Variants in VDR observed in about 807,000 individuals in gnomAD.
VDR encodes the protein vitamin D3 receptor.
Under a neutral mutation model 39.7 loss-of-function variants are expected in VDR, and 19 were observed. The ratio of observed to expected loss-of-function variants is 0.48; its 90% CI spans 0.33 to 0.70. VDR has a LOEUF of 0.70. Ranked by LOEUF, VDR falls within the 30% of genes least tolerant of loss-of-function variation. VDR has a pLI of 0.02. For synonymous variants in VDR, 242 were observed against 215.8 expected (o/e 1.12, Z -1.07); for missense variants, 442 against 570.5 (o/e 0.77, Z 2.29).
intron 1 of VDR, among the ~76,000 whole-genome samples, chr12:47,897,398 G>T (rs1946482026): frequency 6.6e-6 from 1 of 152,200 alleles, no homozygotes; most frequent in Admixed American, 6.5e-5. Flanking sequence ...AGAAGGTAGA[G>T]CCCTGTCCCT....
In VDR at chr12:47,879,436, T is replaced by G. The variant is rs11574047; in HGVS notation, c.-2-321A>C. Among the ~76,000 whole-genome samples, 2,343 of 152,260 alleles carry G rather than the reference T, an allele frequency of 0.015. 76 individuals carry two copies. Among genetic ancestry groups the G allele is most frequent in the African/African-American group, 0.054 (2,252 of 41,544 alleles). ...CCCGCTGTCTGCATTGGAAGAGGTG[T>G]TTTACTTCCAGGGTGTAAGGATCAT... On this transcript the variant is annotated intron_variant, in intron 2 of 9. Transcript: ENST00000549336.
rs371326876 is a variant in VDR at position 47,892,917 on chromosome 12, G to A, written c.-83-10143C>T. 6.2e-4 allele frequency among the ~76,000 whole-genome samples: 95 copies of A among 152,322 alleles called. 1 individual carries two copies. The highest frequency in any genetic ancestry group is 2.2e-3 in the African/African-American group (91 of 41,568). On this transcript the variant is annotated intron_variant, in intron 1 of 9. Coordinates refer to ENST00000549336, the MANE Select transcript of VDR (RefSeq NM_000376.3). ...GGAAGGAGCAGAGGAGTTTAATGTG[G>A]TGTGGTAAGAGGCGTAAGGAGCACT...
intron 4 of VDR, among the ~76,000 whole-genome samples, chr12:47,863,532 G>A (rs1015393306): frequency 8.5e-5 from 13 of 152,168 alleles, no homozygotes; most frequent in Non-Finnish European, 1.5e-4. Context: ...CCTTGTTGGT[G>A]CCCACCCTAA....
At chr12:47,853,269 T>C (rs1592102820) in intron 7 of VDR, among the ~76,000 whole-genome samples, 1 of 150,898 alleles carries the variant, frequency 6.6e-6, no homozygotes, top group Non-Finnish European at 1.5e-5. Flanking sequence ...GGTGAAACCC[T>C]GTCTCTACTA....
At chr12:47,878,039 C>A (rs547864499) in intron 3 of VDR, among the ~76,000 whole-genome samples, 2 of 152,152 alleles carry the variant, frequency 1.3e-5, no homozygotes, top group South Asian at 4.1e-4. Context: ...ATTCACTGTG[C>A]CCCCAAGGCG....
At chr12:47,878,625 G>A (rs905636664) in intron 3 of VDR, among the ~76,000 whole-genome samples, 1 of 152,232 alleles carries the variant, frequency 6.6e-6, no homozygotes, top group African/African-American at 2.4e-5. Flanking sequence ...TCTCTTGGGT[G>A]AGGAAGCTGT....
intron 4 of VDR, among the ~76,000 whole-genome samples, chr12:47,859,927 CTTTCT>C (rs1945589614): frequency 3.1e-5 from 2 of 65,400 alleles, no homozygotes; most frequent in African/African-American, 1.3e-4. Context: ...CTTTCTTTTT[CTTTCT>C]TTCTTTCTTT....
chr12:47,892,393 G>A (rs188737335), intron 1 of VDR, among the ~76,000 whole-genome samples: 4 of 152,318 alleles, frequency 2.6e-5, no homozygotes, highest in East Asian at 1.9e-4. Context: ...AGGTGACATC[G>A]GCTGCTCCTC....
intron 7 of VDR, among the ~76,000 whole-genome samples, chr12:47,847,051 T>TCATC (rs1592096687): frequency 1.3e-5 from 2 of 151,928 alleles, no homozygotes; most frequent in African/African-American, 2.4e-5. Context: ...CAAGAAAAAC[T>TCATC]CAGAGACCAA....
At chr12:47,894,630 C>G (rs1238014234) in intron 1 of VDR, among the ~76,000 whole-genome samples, 1 of 152,206 alleles carries the variant, frequency 6.6e-6, no homozygotes, top group East Asian at 1.9e-4. Context: ...CTAGGCTGGT[C>G]AGTAGCCCAG....
At chr12:47,872,585 C>T (rs557596709) in intron 3 of VDR, among the ~76,000 whole-genome samples, 4 of 152,318 alleles carry the variant, frequency 2.6e-5, no homozygotes, top group African/African-American at 7.2e-5. Context: ...CTAGTTACAG[C>T]AACCACTGTC....
At chr12:47,882,623 G>GCCCCGGGGGCCCCCCC in intron 2 of VDR, 71 bp downstream of exon 2, 1 of 543,282 alleles carries the variant, frequency 1.8e-6, no homozygotes, top group East Asian at 3.6e-5. Flanking sequence ...ACCTTCTTAT[G>GCCCCGGGGGCCCCCCC]CCCCTCCCCC....
At chr12:47,878,129 G>A (rs908631185) in intron 3 of VDR, among the ~76,000 whole-genome samples, 1 of 152,202 alleles carries the variant, frequency 6.6e-6, no homozygotes, top group African/African-American at 2.4e-5. Flanking sequence ...TTCCTCATTT[G>A]ATGGTTAGAG....
At chr12:47,902,365 G>A (rs973004271) in intron 1 of VDR, among the ~76,000 whole-genome samples, 1 of 152,206 alleles carries the variant, frequency 6.6e-6, no homozygotes, top group Non-Finnish European at 1.5e-5. Context: ...CTTCAGCCCA[G>A]CTGGATCCTC....
rs959947885 is a variant in VDR at position 47,873,912 on chromosome 12, T to C, written c.146+5056A>G. ...AGTCTCTAGAAGGATGCTTTGGAAGTGTGGGGTCACATCTGACCATGCTCT... is the reference window on the plus strand; with the variant it reads ...AGTCTCTAGAAGGATGCTTTGGAAGCGTGGGGTCACATCTGACCATGCTCT... On this transcript the variant is annotated intron_variant, in intron 3 of 9. Transcript: ENST00000549336. 1.1e-4 allele frequency among the ~76,000 whole-genome samples: 16 copies of C among 152,166 alleles called. No individual in the cohort carries two copies. In the South Asian group the frequency reaches 1.5e-3, roughly 14 times the overall value.
chr12:47,843,122 C>T lies in VDR; in HGVS notation c.*1624G>A, dbSNP rs575072842. 1 of 152,198 alleles carries T rather than the reference C, an allele frequency of 6.6e-6. No homozygotes were observed. Among genetic ancestry groups the T allele is most frequent in the South Asian group, 2.1e-4 (1 of 4,820 alleles). The allele number at this position is 152,198 out of a possible 1,614,324, so 9.4% of individuals were successfully genotyped here. On this transcript the variant is annotated 3_prime_UTR_variant, in exon 10 of 10. Coordinates refer to ENST00000549336, the MANE Select transcript of VDR (RefSeq NM_000376.3). ...CATATCTAATAAATTTAAGATTAAG[C>T]GATATATATGCTATTCTGCAGTAAG...
rs201747972 is a variant in VDR at position 47,846,294 on chromosome 12, G to A, written c.1024+41C>T. The A allele has an allele frequency of 5.7e-5, 89 of 1,574,366 alleles. No homozygotes were observed. In the East Asian group the frequency reaches 9.2e-4, roughly 16 times the overall value. ...CAGGTCTTTGTCCTTCATACTCCCC[G>A]CTCCCCAGGTCCCTGAGCTCCTCCC... On this transcript the variant is annotated intron_variant, in intron 9 of 9. Transcript: ENST00000549336.
chr12:47,847,065 G>T lies in VDR; in HGVS notation c.756-257C>A, dbSNP rs11574105. 0.013 allele frequency among the ~76,000 whole-genome samples: 1,922 copies of T among 152,216 alleles called. 41 individuals are homozygous for T. The highest frequency in any genetic ancestry group is 0.041 in the African/African-American group (1,699 of 41,524). ...ACAAGAAAAACTCAGAGACCAAGCA[G>T]CCAGAGCTATGGGGCACAGGAAACG... On this transcript the variant is annotated intron_variant, in intron 7 of 9. Transcript: ENST00000549336.
Position 47,845,013 on chromosome 12 carries a change from C to T in VDR, c.1025-8G>A. 3 of 1,610,894 alleles carry T rather than the reference C, an allele frequency of 1.9e-6. No homozygotes were observed. The highest frequency in any genetic ancestry group is 2.5e-6 in the Non-Finnish European group (3 of 1,179,910). ...CCTGCACCCCAGGACGATCTGTGGG[C>T]ACGGGGATAGAGAAGAAGGCACAGG... On this transcript the variant is annotated splice_region_variant and splice_polypyrimidine_tract_variant and intron_variant, in intron 9 of 9. Transcript: ENST00000549336.
Sources: allele counts gnomAD v4.1 joint callset (sites outside exome capture counted in the v4.1 genomes callset), GRCh38; gene constraint gnomAD v4.1.1; transcripts MANE v1.5; gene names NCBI Gene and HGNC (gene_info 2026-07-23, HGNC 2026-07-21).